Variants in PPIL4 observed in about 807,000 individuals in gnomAD.
PPIL4 encodes the protein peptidylprolyl isomerase like 4.
Under a neutral mutation model 69.1 loss-of-function variants are expected in PPIL4, and 50 were observed. The observed-to-expected ratio is 0.72, with a 90% CI of 0.58 to 0.92. The LOEUF (loss-of-function observed/expected upper bound fraction) is 0.92. PPIL4 is among the 40% of genes least tolerant of loss of function. The pLI is 0.00. For missense variants in PPIL4, 480 were observed against 587.9 expected, an observed-to-expected ratio of 0.82 and a Z score of 1.90; for synonymous variants, 193 against 191.6, an observed-to-expected ratio of 1.01 and a Z score of -0.06.
At chr6:149,520,580 T>C (rs537246475) in intron 10 of PPIL4, among the ~76,000 whole-genome samples, 242 of 136,950 alleles carry the variant, frequency 1.8e-3, no homozygotes, top group South Asian at 4.0e-3. Flanking sequence ...TGCATGTGTG[T>C]GCACACACAC....
intron 8 of PPIL4, 121 bp downstream of exon 8, chr6:149,526,531 T>C: frequency 1.2e-6 from 1 of 866,434 alleles, no homozygotes; most frequent in Non-Finnish European, 1.8e-6. Context: ...GACTCACCTG[T>C]AAAAATTCAC....
At chr6:149,537,199 T>C (rs573623573) in intron 4 of PPIL4, among the ~76,000 whole-genome samples, 47 of 151,914 alleles carry the variant, frequency 3.1e-4, no homozygotes, top group African/African-American at 1.1e-3. Flanking sequence ...CTGATGAAGA[T>C]GACTTCATGA....
In PPIL4 at chr6:149,543,941, G is replaced by A. The variant is rs548367719; in HGVS notation, c.70+1995C>T. 1.6e-4 allele frequency among the ~76,000 whole-genome samples: 24 copies of A among 152,328 alleles called. No homozygotes were observed. The South Asian group carries it at 4.8e-3, about 30-fold the overall frequency. On this transcript the variant is annotated intron_variant, in intron 1 of 12. Coordinates refer to ENST00000253329, the MANE Select transcript of PPIL4 (RefSeq NM_139126.4). ...GAAAAGGAAGAAAGAATGGAAGGTAGGTAAGTCTGGATATGTTGATCATAG... is the reference window on the plus strand; with the variant it reads ...GAAAAGGAAGAAAGAATGGAAGGTAAGTAAGTCTGGATATGTTGATCATAG...
At chr6:149,535,507 T>C (rs915282577) in intron 5 of PPIL4, 89 bp downstream of exon 5, 4 of 899,778 alleles carry the variant, frequency 4.4e-6, no homozygotes, top group South Asian at 2.0e-5. Context: ...ACCAGTCCTA[T>C]GCATACCGTT....
chr6:149,545,117 T>C (rs1777420238), intron 1 of PPIL4, among the ~76,000 whole-genome samples: 1 of 152,156 alleles, frequency 6.6e-6, no homozygotes, highest in South Asian at 2.1e-4. Flanking sequence ...GAGTCTACCA[T>C]TCCACGACTC....
chr6:149,533,750 T>C (rs1777234003), intron 6 of PPIL4, among the ~76,000 whole-genome samples, 176 bp from the exon 7 acceptor site: 1 of 151,982 alleles, frequency 6.6e-6, no homozygotes, highest in South Asian at 2.1e-4. Context: ...TGAGATCTTG[T>C]CTCTAAAAAA....
At position 149,541,261 on chromosome 6, in the gene PPIL4, A is replaced by G. The variant is rs1166022130; in HGVS notation, c.203+106T>C. The G allele has an allele frequency of 7.0e-5, 37 of 528,188 alleles. 1 individual carries two copies. In the East Asian group the frequency reaches 1.2e-3, roughly 18 times the overall value. 32.7% of individuals were successfully genotyped at this position (528,188 alleles called of 1,614,324 possible). On this transcript the variant is annotated intron_variant, in intron 3 of 12. Coordinates refer to ENST00000253329, the MANE Select transcript of PPIL4 (RefSeq NM_139126.4). Reference sequence around the variant, plus strand: ...AATGCAGATTGAAGCATGAGCAATTATATTTTTCCTCATTTAAGAATAAAA... The same window carrying G: ...AATGCAGATTGAAGCATGAGCAATTGTATTTTTCCTCATTTAAGAATAAAA...
chr6:149,525,436 A>G (rs1777092616), intron 8 of PPIL4, among the ~76,000 whole-genome samples: 1 of 152,344 alleles, frequency 6.6e-6, no homozygotes, highest in South Asian at 2.1e-4. Flanking sequence ...ATAGGCCTAC[A>G]GTCCTAAATT....
intron 1 of PPIL4, 79 bp downstream of exon 1, chr6:149,545,857 C>T: frequency 7.5e-7 from 1 of 1,329,222 alleles, no homozygotes; most frequent in Non-Finnish European, 1.1e-6. Flanking sequence ...CAATCTCTGC[C>T]CTGGACTGCG....
At chr6:149,524,348 C>T (rs1443441510) in intron 9 of PPIL4, among the ~76,000 whole-genome samples, 1 of 152,190 alleles carries the variant, frequency 6.6e-6, no homozygotes, top group Non-Finnish European at 1.5e-5. Flanking sequence ...ATTTAAGCAA[C>T]ATAAGCTATC....
intron 11 of PPIL4, among the ~76,000 whole-genome samples, chr6:149,512,994 G>A (rs184337826): frequency 1.5e-4 from 22 of 151,160 alleles, no homozygotes; most frequent in Admixed American, 5.3e-4. Context: ...CACCCGCCTC[G>A]GCCTCCCAAA....
At position 149,545,996 on chromosome 6, in the gene PPIL4, G is replaced by C; in HGVS notation, c.10C>G (p.Leu4Val). 6.3e-7 allele frequency: 1 copy of C among 1,580,242 alleles called. No individual in the cohort carries two copies. The highest frequency in any genetic ancestry group is 8.6e-7 in the Non-Finnish European group (1 of 1,160,392). The change falls in exon 1 of 13, where the codon CTA becomes GTA. Residue 4 changes from leucine to valine, a missense_variant. Transcript: ENST00000253329. MAV[L>V]LETTLGDVVI... ...ACGTCGCCTAAAGTGGTCTCCAGTA[G>C]AACCGCCATGGCGCCCGCTCCTCCT... is the stretch of plus-strand genomic sequence containing the variant.
chr6:149,540,115 C>A (rs1777338198), intron 4 of PPIL4, among the ~76,000 whole-genome samples: 1 of 151,896 alleles, frequency 6.6e-6, no homozygotes, highest in Non-Finnish European at 1.5e-5. Context: ...GCTGACAGAG[C>A]AAGACTCTGT....
chr6:149,537,474 G>A (rs943807251), intron 4 of PPIL4, among the ~76,000 whole-genome samples: 4 of 152,298 alleles, frequency 2.6e-5, no homozygotes, highest in Admixed American at 6.5e-5. Context: ...TTGGGAGGCC[G>A]AGGCGGGTGG....
intron 1 of PPIL4, among the ~76,000 whole-genome samples, chr6:149,544,222 T>C (rs1003301608): frequency 6.6e-6 from 1 of 152,014 alleles, no homozygotes; most frequent in Non-Finnish European, 1.5e-5. Flanking sequence ...AATCAAGAGA[T>C]AAAAAACAAA....
Position 149,508,804 on chromosome 6 carries a change from G to A in PPIL4, c.1228-3100C>T, listed in dbSNP as rs56852294. Among the ~76,000 whole-genome samples, 876 of 152,134 alleles carry A rather than the reference G, an allele frequency of 5.8e-3. 8 individuals are homozygous for A. Among genetic ancestry groups the A allele is most frequent in the African/African-American group, 0.02 (833 of 41,500 alleles). ...ACATGAGGTGGAAAATTAAACAAAC[G>A]TTTTCGAATTGATTAGTAAGGCTAG... is the stretch of plus-strand genomic sequence containing the variant. On this transcript the variant is annotated intron_variant, in intron 12 of 12. Coordinates refer to ENST00000253329, the MANE Select transcript of PPIL4 (RefSeq NM_139126.4).
intron 11 of PPIL4, 66 bp from the exon 12 acceptor site, chr6:149,512,368 G>A: frequency 8.9e-6 from 11 of 1,234,920 alleles, no homozygotes; most frequent in East Asian, 2.4e-5. Context: ...CTTAAGATCT[G>A]GTAAACAAAG....
intron 7 of PPIL4, among the ~76,000 whole-genome samples, chr6:149,528,276 CAGA>C (rs1422068296): frequency 1.3e-5 from 2 of 151,990 alleles, no homozygotes; most frequent in Non-Finnish European, 2.9e-5. Context: ...TGTCAAAACA[CAGA>C]AGGAGTAGAG....
intron 10 of PPIL4, among the ~76,000 whole-genome samples, chr6:149,520,485 G>C (rs1422867767): frequency 2.6e-5 from 4 of 152,016 alleles, no homozygotes; most frequent in Non-Finnish European, 5.9e-5. Flanking sequence ...TGTCTGCAGT[G>C]GGTAATTATT....
Sources: allele counts gnomAD v4.1 joint callset (sites outside exome capture counted in the v4.1 genomes callset), GRCh38; gene constraint gnomAD v4.1.1; transcripts MANE v1.5; gene names NCBI Gene and HGNC (gene_info 2026-07-23, HGNC 2026-07-21).